The following CFAP46 variants were observed in gnomAD, a reference collection of about 807,000 sequenced individuals.
The protein encoded by CFAP46 is cilia and flagella associated protein 46, also known as cilia- and flagella-associated protein 46.
Under a neutral mutation model 325.7 loss-of-function variants are expected in CFAP46, and 245 were observed. The observed-to-expected ratio is 0.75, with a 90% CI of 0.68 to 0.84. The LOEUF (loss-of-function observed/expected upper bound fraction) is 0.84. CFAP46 is among the 40% of genes least tolerant of loss of function. The pLI is 0.00. For missense variants in CFAP46, 3,346 were observed against 3,543.0 expected, an observed-to-expected ratio of 0.94 and a Z score of 1.41; for synonymous variants, 1,523 against 1,495.9, an observed-to-expected ratio of 1.02 and a Z score of -0.42.
intron 50 of CFAP46, among the ~76,000 whole-genome samples, chr10:132,821,592 TGC>T (rs1847831583): frequency 7.3e-6 from 1 of 136,802 alleles, no homozygotes; most frequent in Admixed American, 7.0e-5. Context: ...GCTGTGTGTG[TGC>T]TGTGTGCTGT....
At chr10:132,895,154 T>C (rs1179956046) in intron 24 of CFAP46, among the ~76,000 whole-genome samples, 1 of 152,224 alleles carries the variant, frequency 6.6e-6, no homozygotes, top group Non-Finnish European at 1.5e-5. Flanking sequence ...GCTCACTGTG[T>C]GCAGATCAGT....
At chr10:132,920,802 C>T (rs886605312) in intron 13 of CFAP46, among the ~76,000 whole-genome samples, 4 of 152,202 alleles carry the variant, frequency 2.6e-5, no homozygotes, top group African/African-American at 9.6e-5. Flanking sequence ...TGGGCAGGGC[C>T]CCGCAGCACC....
In CFAP46 at chr10:132,857,627, C is replaced by T. The variant is rs375615868; in HGVS notation, c.5537G>A (p.Arg1846Lys). Residue 1846 changes from arginine to lysine, a missense_variant, in exon 39 of 58, where the codon AGG becomes AAG. Physicochemically the swap from Arg to Lys is conservative, Grantham distance 26. Coordinates refer to ENST00000368586, the MANE Select transcript of CFAP46 (RefSeq NM_001200049.3). ...CAATAGGCCCTGGACGCTGTGAAGCCTCCCTTCTTCCTCAGCCATGGCGCC... is the reference window on the plus strand; with the variant it reads ...CAATAGGCCCTGGACGCTGTGAAGCTTCCCTTCTTCCTCAGCCATGGCGCC... ...AQGAMAEEEG[R>K]LHSVQGLLSL... is the part of the protein sequence containing the mutation. 1.2e-6 allele frequency: 2 copies of T among 1,612,788 alleles called. No individual in the cohort carries two copies. The highest frequency in any genetic ancestry group is 1.7e-6 in the Non-Finnish European group (2 of 1,179,522).
intron 32 of CFAP46, among the ~76,000 whole-genome samples, chr10:132,870,747 T>C (rs1350879643): frequency 6.6e-6 from 1 of 152,196 alleles, no homozygotes; most frequent in Non-Finnish European, 1.5e-5. Context: ...GGACAGAAGC[T>C]GTCTCTGTCA....
At position 132,808,700 on chromosome 10, in the gene CFAP46, G is replaced by C. The variant is rs971845540; in HGVS notation, c.7869C>G (p.Leu2623=). 2 of 1,570,560 alleles carry C rather than the reference G, an allele frequency of 1.3e-6. No individual in the cohort carries two copies. The highest frequency in any genetic ancestry group is 1.7e-6 in the Non-Finnish European group (2 of 1,157,962). ...GSAPLPTHPH[L]PAPIPSSQLA... ...GCTGGGAGCTGGGGATGGGAGCCGG[G>C]AGGTGGGGATGGGTTGGCAGAGGGG... Residue 2623 remains leucine (L), a synonymous_variant, in exon 58 of 58, where the codon CTC becomes CTG. Transcript: ENST00000368586. This position sits in a 1 kb window ranked among gnomAD's most constrained non-coding sequence, Gnocchi z 6.8.
chr10:132,860,623 C>T (rs1299871382), intron 36 of CFAP46, 100 bp from the exon 37 acceptor site: 3 of 1,183,992 alleles, frequency 2.5e-6, no homozygotes, highest in Non-Finnish European at 3.6e-6. Context: ...GGCCTGAGGA[C>T]AGGCGGGGGT....
rs372138537 is a variant in CFAP46, at chr10:132,869,318, T to C, written c.4566A>G (p.Glu1522=). 1.3e-6 allele frequency: 2 copies of C among 1,539,524 alleles called. No homozygotes were observed. The highest frequency in any genetic ancestry group is 2.0e-5 in the Admixed American group (1 of 50,840). The part of the protein sequence containing the change: ...LKLREAAARH[E]EAVGQVCVSE... Reference sequence around the variant, plus strand: ...TGACGCACACCTGCCCGACCGCCTCTTCATGGCGCGCGGCTGCTTCTCTCA... The same window carrying C: ...TGACGCACACCTGCCCGACCGCCTCCTCATGGCGCGCGGCTGCTTCTCTCA... Residue 1522 remains glutamate (E), a synonymous_variant, in exon 33 of 58, where the codon GAA becomes GAG. Transcript: ENST00000368586. This position sits in a 1 kb window ranked among gnomAD's most constrained non-coding sequence, Gnocchi z 6.2.
At chr10:132,837,067 C>G (rs1183899236) in intron 44 of CFAP46, 153 bp from the exon 45 acceptor site, 1 of 602,680 alleles carries the variant, frequency 1.7e-6, no homozygotes, top group African/African-American at 1.9e-5. Context: ...GTGGGGGGCC[C>G]TGCTGGAAGT....
intron 8 of CFAP46, among the ~76,000 whole-genome samples, chr10:132,933,187 G>A (rs902966825): frequency 2.6e-5 from 4 of 152,172 alleles, no homozygotes; most frequent in African/African-American, 7.2e-5. Context: ...ACGCTTCTCC[G>A]CCCCTCGTCC....
Position 132,846,084 on chromosome 10 carries a change from C to T in CFAP46, c.6411G>A (p.Val2137=), listed in dbSNP as rs149579051. The T allele has an allele frequency of 2.0e-5, 32 of 1,596,836 alleles. No individual in the cohort carries two copies. The African/African-American group carries it at 3.9e-4, about 19-fold the overall frequency. Residue 2137 remains valine, a synonymous_variant, in exon 44 of 58, where the codon GTG becomes GTA. Transcript: ENST00000368586. ...TGGACACGGCGGCCAGCCTCTGCTC[C>T]ACACGGGCGCCCAGGCTGGTGGTGG... The part of the protein sequence containing the change: ...DRTTTSLGAR[V]EQRLAAVSKA...
At chr10:132,819,021 A>G (rs1274695455) in intron 50 of CFAP46, among the ~76,000 whole-genome samples, 2 of 152,214 alleles carry the variant, frequency 1.3e-5, no homozygotes, top group African/African-American at 4.8e-5. Flanking sequence ...ACACAAAATC[A>G]ACATACAAAA....
At chr10:132,855,693 G>A (rs1848631467) in intron 39 of CFAP46, among the ~76,000 whole-genome samples, 1 of 152,010 alleles carries the variant, frequency 6.6e-6, no homozygotes, top group African/African-American at 2.4e-5. Context: ...CTGTATTCTG[G>A]TATTTCTGTG....
intron 24 of CFAP46, among the ~76,000 whole-genome samples, chr10:132,897,231 G>T (rs900423571): frequency 6.6e-6 from 1 of 152,098 alleles, no homozygotes; most frequent in African/African-American, 2.4e-5. Context: ...AAAGACACAG[G>T]CAACAAAAGA....
chr10:132,897,618 C>T (rs767382234), intron 24 of CFAP46, among the ~76,000 whole-genome samples: 8 of 152,242 alleles, frequency 5.3e-5, no homozygotes, highest in Non-Finnish European at 1.2e-4. Flanking sequence ...CTGCATCTGG[C>T]CCACAGGATG....
chr10:132,926,242 C>T (rs930669981), intron 10 of CFAP46, among the ~76,000 whole-genome samples: 2 of 152,168 alleles, frequency 1.3e-5, no homozygotes, highest in East Asian at 3.9e-4. Flanking sequence ...GGCCGTCCCC[C>T]GTCCTCCCAG....
chr10:132,850,092 C>T, intron 41 of CFAP46, 152 bp downstream of exon 41: 1 of 790,324 alleles, frequency 1.3e-6, no homozygotes, highest in South Asian at 1.8e-5. Flanking sequence ...TTTTGCCAGC[C>T]CCATTTCTTC....
intron 50 of CFAP46, among the ~76,000 whole-genome samples, chr10:132,821,981 CTGTGTGTGCGCT>C (rs1180090188): frequency 8.6e-6 from 1 of 115,784 alleles, no homozygotes; most frequent in Non-Finnish European, 1.7e-5. Flanking sequence ...CTGATGTGTG[CTGTGTGTGCGCT>C]TGTGTGTGCT....
chr10:132,855,550 T>G (rs116834093), intron 39 of CFAP46, among the ~76,000 whole-genome samples: 1,774 of 152,344 alleles, frequency 0.012, 35 homozygotes, highest in African/African-American at 0.039. Context: ...GGTCTAAGGT[T>G]ATCATCTTGC....
At chr10:132,892,983 G>A (rs1008432334) in intron 24 of CFAP46, among the ~76,000 whole-genome samples, 1 of 152,168 alleles carries the variant, frequency 6.6e-6, no homozygotes, top group Non-Finnish European at 1.5e-5. Flanking sequence ...ACTGGTCTCA[G>A]CCAGCACCAG....
Sources: allele counts gnomAD v4.1 joint callset (sites outside exome capture counted in the v4.1 genomes callset), GRCh38; gene constraint gnomAD v4.1.1; non-coding constraint Gnocchi (gnomAD v3.1); transcripts MANE v1.5; gene names NCBI Gene and HGNC (gene_info 2026-07-23, HGNC 2026-07-21).